S100A13: variants seen among roughly 807,000 people sequenced by gnomAD.
The protein encoded by S100A13 is protein S100-A13.
S100A13 carries 6 observed loss-of-function variants against 8.2 expected under a neutral mutation model. The observed-to-expected ratio is 0.73, with a 90% confidence interval of 0.40 to 1.44. The LOEUF (loss-of-function observed/expected upper bound fraction) is 1.44. Ranked by LOEUF, S100A13 falls within the 40% of genes most tolerant of loss-of-function variation. S100A13 has a pLI of 0.02. For missense variants in S100A13, 114 were observed against 113.6 expected (o/e 1.00, Z -0.02); for synonymous variants, 39 against 45.9 (o/e 0.85, Z 0.61).
At chr1:153,625,051 G>A (rs1030102409) in intron 2 of S100A13, among the ~76,000 whole-genome samples, 29 of 152,050 alleles carry the variant, frequency 1.9e-4, no homozygotes, top group African/African-American at 6.3e-4. Flanking sequence ...CTCCAGCCTC[G>A]GTGACAGAGT....
chr1:153,619,077 G>A, intron 2 of S100A13, 39 bp from the exon 3 acceptor site: 19 of 1,591,456 alleles, frequency 1.2e-5, no homozygotes, highest in Non-Finnish European at 1.6e-5. Context: ...GTTAGAAACT[G>A]GGGTTCTTGA....
In S100A13 at chr1:153,625,152, T is replaced by C. The variant is rs1378063501; in HGVS notation, c.153+1168A>G. On this transcript the variant is annotated intron_variant, in intron 2 of 2. Transcript: ENST00000476133. ...ACTTGTGAGGCTGGGGCAGGAGGATTGCCTGAGCCCGGAAGGTCAAGGATG... is the reference window on the plus strand; with the variant it reads ...ACTTGTGAGGCTGGGGCAGGAGGATCGCCTGAGCCCGGAAGGTCAAGGATG... Among the ~76,000 whole-genome samples the C allele has an allele frequency of 2.0e-5, 3 of 152,200 alleles. No individual in the cohort carries two copies. In the South Asian group the frequency reaches 6.2e-4, roughly 32 times the overall value.
rs555801020 is a variant in S100A13, at chr1:153,621,668, T to C, written c.154-2630A>G. On this transcript the variant is annotated intron_variant, in intron 2 of 2. Coordinates refer to ENST00000476133, the MANE Select transcript of S100A13 (RefSeq NM_001024211.2). ...TTGTTCTTTCGCTCTTTGCAATAAA[T>C]CTTGCTGCTGCTCAAAAAAAAAAAG... Among the ~76,000 whole-genome samples, 15 of 147,554 alleles carry C rather than the reference T, an allele frequency of 1.0e-4. 1 individual carries two copies. The highest frequency in any genetic ancestry group is 3.8e-4 in the African/African-American group (15 of 39,370).
chr1:153,623,475 T>A (rs1667412827), intron 2 of S100A13, among the ~76,000 whole-genome samples: 1 of 151,726 alleles, frequency 6.6e-6, no homozygotes. Flanking sequence ...AACCTCTGCC[T>A]CCTGGGTTCA....
intron 2 of S100A13, among the ~76,000 whole-genome samples, chr1:153,620,139 T>G (rs1419174749): frequency 6.6e-6 from 1 of 151,880 alleles, no homozygotes; most frequent in Non-Finnish European, 1.5e-5. Flanking sequence ...ATACAAAAAT[T>G]AGCCAGATAT....
At chr1:153,628,469 C>T (rs1667808441), upstream of S100A13, 2 of 1,550,754 alleles carry the variant, frequency 1.3e-6, no homozygotes, top group Non-Finnish European at 1.7e-6. Flanking sequence ...TGTCCAGAAC[C>T]TGCTCCCACC....
intron 2 of S100A13, among the ~76,000 whole-genome samples, chr1:153,621,756 T>C (rs539844752): frequency 2.0e-5 from 3 of 151,206 alleles, no homozygotes; most frequent in South Asian, 2.1e-4. Context: ...GGCATGGTGA[T>C]GCACGGTTCA....
chr1:153,623,978 A>C (rs1422871564), intron 2 of S100A13, among the ~76,000 whole-genome samples: 1 of 152,210 alleles, frequency 6.6e-6, no homozygotes, highest in East Asian at 1.9e-4. Context: ...TTACAATTAG[A>C]AGCCTTAGAA....
chr1:153,624,057 C>T (rs1234005299), intron 2 of S100A13, among the ~76,000 whole-genome samples: 1 of 151,922 alleles, frequency 6.6e-6, no homozygotes, highest in Admixed American at 6.6e-5. Context: ...GTGAGAGGGT[C>T]GAGAGACTGA....
intron 2 of S100A13, among the ~76,000 whole-genome samples, chr1:153,622,347 G>A (rs1034278008): frequency 6.6e-6 from 1 of 152,098 alleles, no homozygotes; most frequent in Non-Finnish European, 1.5e-5. Context: ...CTCCAGCCTG[G>A]GTGAAAGAGC....
upstream of S100A13, chr1:153,632,050 G>C: frequency 1.7e-6 from 1 of 582,186 alleles, no homozygotes; most frequent in Non-Finnish European, 3.0e-6. Flanking sequence ...TCCGATGTCT[G>C]TCTCCTCTGG....
chr1:153,619,062 G>A, intron 2 of S100A13, 24 bp from the exon 3 acceptor site: 4 of 1,607,144 alleles, frequency 2.5e-6, no homozygotes, highest in East Asian at 2.2e-5. Context: ...AAAGGGAAGG[G>A]TAGAGTTAGA....
At chr1:153,631,745 C>T (rs780662303), upstream of S100A13, 17 of 1,614,086 alleles carry the variant, frequency 1.1e-5, no homozygotes, top group East Asian at 2.2e-5. Flanking sequence ...AGGAGCTAGA[C>T]GAGAATGGAG....
chr1:153,632,785 T>A (rs1206063878), upstream of S100A13, among the ~76,000 whole-genome samples: 1 of 152,100 alleles, frequency 6.6e-6, no homozygotes, highest in Non-Finnish European at 1.5e-5. Flanking sequence ...GGTCTTGACG[T>A]GCCAGTGGAG....
intron 2 of S100A13, among the ~76,000 whole-genome samples, chr1:153,621,904 C>T (rs1172912391): frequency 6.6e-6 from 1 of 151,756 alleles, no homozygotes; most frequent in Non-Finnish European, 1.5e-5. Context: ...CCATTTCACT[C>T]AGAATTATAT....
chr1:153,623,194 C>CT lies in S100A13; in HGVS notation c.153+3125dup, dbSNP rs199807364. ...AGAGGAGTAATTTCAAGAGGAAAGT[C>CT]TTTTTTTTTGAGACGGAGTCTCGCT... is the stretch of plus-strand genomic sequence containing the variant. On this transcript the variant is annotated intron_variant, in intron 2 of 2. Coordinates refer to ENST00000476133, the MANE Select transcript of S100A13 (RefSeq NM_001024211.2). Among the ~76,000 whole-genome samples, 185 of 151,352 alleles carry CT rather than the reference C, an allele frequency of 1.2e-3. 1 individual carries two copies. Among genetic ancestry groups the CT allele is most frequent in the African/African-American group, 4.2e-3 (172 of 41,268 alleles).
chr1:153,628,819 C>A, upstream of S100A13: 1 of 368,044 alleles, frequency 2.7e-6, no homozygotes. Flanking sequence ...CCTCTGTCTC[C>A]CAGGTGTTGG....
intron 2 of S100A13, among the ~76,000 whole-genome samples, chr1:153,624,100 G>T (rs1667449371): frequency 6.6e-6 from 1 of 152,190 alleles, no homozygotes; most frequent in Non-Finnish European, 1.5e-5. Context: ...GTGCTGAAGT[G>T]GAGAAGCTAG....
upstream of S100A13, chr1:153,632,269 T>TC (rs1184633233): frequency 7.2e-6 from 1 of 139,078 alleles, no homozygotes. Context: ...AAATAATCTT[T>TC]TTTTTTTTTT....
Sources: allele counts gnomAD v4.1 joint callset (sites outside exome capture counted in the v4.1 genomes callset), GRCh38; gene constraint gnomAD v4.1.1; transcripts MANE v1.5; gene names NCBI Gene and HGNC (gene_info 2026-07-23, HGNC 2026-07-21).